Variants in CPEB1 observed in about 807,000 individuals in gnomAD.
The protein encoded by CPEB1 is cytoplasmic polyadenylation element-binding protein 1.
A neutral mutation model predicts 65.8 loss-of-function variants in CPEB1; 7 were observed. That is an observed-to-expected ratio of 0.11 (90% CI 0.06 to 0.20). CPEB1 has a LOEUF of 0.20. CPEB1 is among the 10% of genes least tolerant of loss of function. CPEB1 has a pLI of 1.00. For missense variants in CPEB1, 551 were observed against 712.2 expected (o/e 0.77, Z 2.58); for synonymous variants, 262 against 260.0 (o/e 1.01, Z -0.08).
At chr15:82,633,881 A>G (rs2046450555) in intron 1 of CPEB1, among the ~76,000 whole-genome samples, 1 of 152,184 alleles carries the variant, frequency 6.6e-6, no homozygotes, top group Admixed American at 6.5e-5. Flanking sequence ...TTGTTTTGAA[A>G]AGCAGAAAGA....
rs781571987 is a variant in CPEB1, at chr15:82,557,888, A to G, written c.559T>C (p.Phe187Leu). 9 of 1,614,144 alleles carry G rather than the reference A, an allele frequency of 5.6e-6. No individual in the cohort carries two copies. The East Asian group carries it at 2.0e-4, about 36-fold the overall frequency. ...DPLGSDLVDKFPAPSVRGSRL... is the reference protein window; with the variant it reads ...DPLGSDLVDKLPAPSVRGSRL... ...GATCCTCTAACTGAGGGTGCTGGAA[A>G]CTTGTCCACCAAGTCAGACCCAAGG... Residue 187 changes from phenylalanine to leucine, a missense_variant, in exon 5 of 13, where the codon TTT becomes CTT. Transcript: ENST00000684509.
chr15:82,586,154 T>C (rs1324282333), intron 3 of CPEB1, among the ~76,000 whole-genome samples: 2 of 151,556 alleles, frequency 1.3e-5, no homozygotes, highest in Non-Finnish European at 2.9e-5. Flanking sequence ...TAGAATTTCC[T>C]TGGGTAAGTA....
chr15:82,634,742 G>A (rs2046523662), intron 1 of CPEB1, among the ~76,000 whole-genome samples: 1 of 147,468 alleles, frequency 6.8e-6, no homozygotes, highest in South Asian at 2.2e-4. Context: ...GTTTTTAAAT[G>A]CATTGGTCTT....
At chr15:82,606,464 C>T (rs1230150417) in intron 3 of CPEB1, among the ~76,000 whole-genome samples, 4 of 141,444 alleles carry the variant, frequency 2.8e-5, no homozygotes, top group South Asian at 2.2e-4. Flanking sequence ...AGGGATACTC[C>T]GTCTCAAAAA....
upstream of CPEB1, chr15:82,648,068 C>T: frequency 1.3e-5 from 5 of 389,620 alleles, no homozygotes; most frequent in Middle Eastern, 6.9e-4. Flanking sequence ...CCGCCCGGGC[C>T]CTCGCCTCCG....
At chr15:82,590,706 G>C (rs1280316928) in intron 3 of CPEB1, among the ~76,000 whole-genome samples, 1 of 152,110 alleles carries the variant, frequency 6.6e-6, no homozygotes, top group Non-Finnish European at 1.5e-5. Context: ...AGTGTCTATT[G>C]TTCCCTTCTT....
In CPEB1 at chr15:82,557,889, C is replaced by G; in HGVS notation, c.558G>C (p.Lys186Asn). 6.2e-7 allele frequency: 1 copy of G among 1,614,184 alleles called. No individual in the cohort carries two copies. The highest frequency in any genetic ancestry group is 8.5e-7 in the Non-Finnish European group (1 of 1,180,024). ...ATCCTCTAACTGAGGGTGCTGGAAA[C>G]TTGTCCACCAAGTCAGACCCAAGGG... ...LDPLGSDLVD[K>N]FPAPSVRGSR... Residue 186 changes from lysine to asparagine, a missense_variant, in exon 5 of 13, where the codon AAG becomes AAC. Around this residue, in one of 6 missense-constraint regions of CPEB1, gnomAD observed 223 missense variants for 228.6 expected, o/e 0.98. Coordinates refer to ENST00000684509, the MANE Select transcript of CPEB1 (RefSeq NM_001365242.1).
chr15:82,570,556 C>T lies in CPEB1; in HGVS notation c.460+788G>A, dbSNP rs1354443377. On this transcript the variant is annotated intron_variant, in intron 4 of 12. Coordinates refer to ENST00000684509, the MANE Select transcript of CPEB1 (RefSeq NM_001365242.1). ...TATTTAGGCAACCCTCCTCCTTGTA[C>T]CACAAGAGGGAAATAAACAGGTAAC... 2.0e-5 allele frequency among the ~76,000 whole-genome samples: 3 copies of T among 152,184 alleles called. 1 individual carries two copies. In the South Asian group the frequency reaches 6.2e-4, roughly 32 times the overall value.
At chr15:82,611,323 G>T (rs1435314628) in intron 3 of CPEB1, among the ~76,000 whole-genome samples, 1 of 152,070 alleles carries the variant, frequency 6.6e-6, no homozygotes, top group Non-Finnish European at 1.5e-5. Flanking sequence ...TTAACAGTTT[G>T]ACTTACAATA....
At chr15:82,578,971 G>A (rs1187937406) in intron 3 of CPEB1, among the ~76,000 whole-genome samples, 1 of 151,948 alleles carries the variant, frequency 6.6e-6, no homozygotes, top group African/African-American at 2.4e-5. Context: ...TTATACACAT[G>A]CACCACCACG....
At chr15:82,621,375 A>T (rs1170351120) in intron 3 of CPEB1, among the ~76,000 whole-genome samples, 2 of 151,836 alleles carry the variant, frequency 1.3e-5, no homozygotes, top group Non-Finnish European at 2.9e-5. Flanking sequence ...TAATCCCAGC[A>T]CTTTGGGAGG....
At chr15:82,563,182 A>G (rs1377437397) in intron 4 of CPEB1, among the ~76,000 whole-genome samples, 1 of 152,198 alleles carries the variant, frequency 6.6e-6, no homozygotes, top group Non-Finnish European at 1.5e-5. Context: ...AAAAGGAGCA[A>G]GGGCCTACTT....
At chr15:82,612,411 C>T (rs1397790526) in intron 3 of CPEB1, among the ~76,000 whole-genome samples, 1 of 150,032 alleles carries the variant, frequency 6.7e-6, no homozygotes, top group African/African-American at 2.5e-5. Flanking sequence ...GCAGGAGAAT[C>T]GCTTGAGCCC....
At chr15:82,579,754 T>C (rs1435998687) in intron 3 of CPEB1, among the ~76,000 whole-genome samples, 1 of 147,022 alleles carries the variant, frequency 6.8e-6, no homozygotes. Flanking sequence ...CTACTAAAAA[T>C]ACAAAAAATT....
chr15:82,554,194 G>A (rs1047834997), intron 6 of CPEB1, among the ~76,000 whole-genome samples: 1 of 152,162 alleles, frequency 6.6e-6, no homozygotes, highest in Non-Finnish European at 1.5e-5. Flanking sequence ...ATCCTACTTT[G>A]CTAATTCTGT....
At chr15:82,582,456 C>T (rs1490672529) in intron 3 of CPEB1, among the ~76,000 whole-genome samples, 2 of 152,114 alleles carry the variant, frequency 1.3e-5, no homozygotes, top group Admixed American at 6.5e-5. Flanking sequence ...CTCGCCATCC[C>T]GTCTTTTTTT....
At chr15:82,548,415 G>C (rs1020946686) in intron 10 of CPEB1, among the ~76,000 whole-genome samples, 7 of 152,122 alleles carry the variant, frequency 4.6e-5, no homozygotes, top group African/African-American at 1.7e-4. Flanking sequence ...AAACTCAATG[G>C]GGCCACATTT....
chr15:82,544,187 T>C lies in CPEB1; in HGVS notation c.*405A>G, dbSNP rs2034763017. 1 of 167,056 alleles carries C rather than the reference T, an allele frequency of 6.0e-6. No homozygotes were observed. The allele number at this position is 167,056 out of a possible 1,614,324, so 10.3% of individuals were successfully genotyped here. A position where few individuals can be genotyped will look rare whatever the true frequency, so the allele number is the denominator to read the frequency against. ...ACCTGCGCATCATCACCATCAGTAT[T>C]GCAAGGAATGTAAAAAAGCGCTTTT... On this transcript the variant is annotated 3_prime_UTR_variant, in exon 13 of 13. Coordinates refer to ENST00000684509, the MANE Select transcript of CPEB1 (RefSeq NM_001365242.1).
intron 3 of CPEB1, among the ~76,000 whole-genome samples, chr15:82,596,209 G>A (rs765994658): frequency 3.3e-5 from 5 of 152,094 alleles, no homozygotes; most frequent in Admixed American, 2.0e-4. Context: ...TAAAGCTCAC[G>A]AAAAATAAAG....
Sources: gnomAD v4.1 joint callset for allele counts (sites outside exome capture counted in the v4.1 genomes callset) on GRCh38, gnomAD v4.1.1 for gene constraint, gnomAD v4.1.1 regional missense constraint, MANE v1.5 for transcripts, NCBI Gene and HGNC (gene_info 2026-07-23, HGNC 2026-07-21) for gene names.